Variants in UGT1A10 observed in about 807,000 individuals in gnomAD.
UGT1A10 encodes UDP-glucuronosyltransferase 1A10.
UGT1A10 carries 49 observed loss-of-function variants against 45.8 expected under a neutral mutation model. The ratio of observed to expected loss-of-function variants is 1.07; its 90% CI spans 0.85 to 1.36. The LOEUF is 1.36. Ranked by LOEUF, UGT1A10 falls within the 40% of genes most tolerant of loss-of-function variation. The pLI, the probability that UGT1A10 is intolerant of heterozygous loss-of-function variation, is 0.00. For missense variants in UGT1A10, 745 were observed against 668.6 expected (o/e 1.11, Z -1.26); for synonymous variants, 284 against 249.7 (o/e 1.14, Z -1.29).
At chr2:233,762,422 T>TAG (rs1438123944) in intron 1 of UGT1A10, among the ~76,000 whole-genome samples, 1 of 152,242 alleles carries the variant, frequency 6.6e-6, no homozygotes, top group East Asian at 1.9e-4. Flanking sequence ...TTCTACAAAA[T>TAG]AGAGTAACAG....
chr2:233,718,884 G>T (rs755101119), intron 1 of UGT1A10: 44 of 1,614,026 alleles, frequency 2.7e-5, no homozygotes, highest in Non-Finnish European at 3.6e-5. Flanking sequence ...CCTCCTCAGT[G>T]TCCAGCCCTG....
At chr2:233,637,558 T>C (rs2073331521) in intron 1 of UGT1A10, among the ~76,000 whole-genome samples, 181 bp downstream of exon 1, 1 of 152,244 alleles carries the variant, frequency 6.6e-6, no homozygotes, top group Admixed American at 6.5e-5. Flanking sequence ...AAAACTGCCC[T>C]TCTTGAAAGT....
intron 1 of UGT1A10, among the ~76,000 whole-genome samples, chr2:233,761,819 C>T (rs1222575733): frequency 6.6e-6 from 1 of 152,192 alleles, no homozygotes; most frequent in East Asian, 1.9e-4. Flanking sequence ...AGGAGAGGCT[C>T]CTTCAGATGG....
chr2:233,696,132 A>G (rs1187117199), intron 1 of UGT1A10, among the ~76,000 whole-genome samples: 2 of 152,204 alleles, frequency 1.3e-5, no homozygotes, highest in African/African-American at 4.8e-5. Flanking sequence ...CTGCCCCAAT[A>G]TATCCCATTG....
intron 1 of UGT1A10, among the ~76,000 whole-genome samples, chr2:233,660,315 A>G (rs989134855): frequency 6.6e-6 from 1 of 152,200 alleles, no homozygotes; most frequent in African/African-American, 2.4e-5. Flanking sequence ...AGTGCCTTGT[A>G]ACCCCTTGTT....
intron 1 of UGT1A10, among the ~76,000 whole-genome samples, chr2:233,735,934 C>T (rs2078711337): frequency 6.6e-6 from 1 of 152,038 alleles, no homozygotes; most frequent in South Asian, 2.1e-4. Context: ...TCTGTGGCTG[C>T]CCTTAACATT....
chr2:233,739,222 A>G (rs1312187699), intron 1 of UGT1A10, among the ~76,000 whole-genome samples: 1 of 152,214 alleles, frequency 6.6e-6, no homozygotes, highest in Non-Finnish European at 1.5e-5. Flanking sequence ...TAGAGTCCTT[A>G]TAGAGAACCT....
At position 233,769,512 on chromosome 2, in the gene UGT1A10, C is replaced by T; in HGVS notation, c.1295+1073C>T. ...TTATGAGAGTGTCCATTGCTTTCTCCCATGGTTACCTCCTTTAGAAAGAAG... is the reference window on the plus strand; with the variant it reads ...TTATGAGAGTGTCCATTGCTTTCTCTCATGGTTACCTCCTTTAGAAAGAAG... On this transcript the variant is annotated intron_variant, in intron 4 of 4. Transcript: ENST00000344644. This position sits in a 1 kb window ranked among gnomAD's most constrained non-coding sequence, Gnocchi z 4.4. 1 of 1,612,734 alleles carries T rather than the reference C, an allele frequency of 6.2e-7. No homozygotes were observed. The highest frequency in any genetic ancestry group is 8.5e-7 in the Non-Finnish European group (1 of 1,179,852).
intron 1 of UGT1A10, among the ~76,000 whole-genome samples, chr2:233,709,752 A>G (rs1448990016): frequency 1.3e-5 from 2 of 152,332 alleles, no homozygotes; most frequent in South Asian, 4.1e-4. Context: ...AATAAACATT[A>G]TTGGAGTATT....
chr2:233,665,739 A>G (rs756925611), intron 1 of UGT1A10, among the ~76,000 whole-genome samples: 5 of 152,246 alleles, frequency 3.3e-5, no homozygotes, highest in African/African-American at 1.2e-4. Context: ...ATATAATAAT[A>G]TACAGAAAAT....
chr2:233,767,208 G>A (rs1699334912), intron 2 of UGT1A10, 43 bp downstream of exon 2: 1 of 1,612,972 alleles, frequency 6.2e-7, no homozygotes, highest in Non-Finnish European at 8.5e-7. Context: ...ATTTTCACAG[G>A]AGCGCTAATC....
At chr2:233,661,817 G>A (rs1380161144) in intron 1 of UGT1A10, among the ~76,000 whole-genome samples, 1 of 151,156 alleles carries the variant, frequency 6.6e-6, no homozygotes, top group African/African-American at 2.4e-5. Context: ...TGCTTCATGG[G>A]AGCACTTGAG....
chr2:233,665,967 C>T (rs28969701), intron 1 of UGT1A10, among the ~76,000 whole-genome samples: 7,521 of 152,084 alleles, frequency 0.049, 297 homozygotes, highest in African/African-American at 0.099. Flanking sequence ...GTTTGCATTG[C>T]GATAAAGGAA....
At chr2:233,682,698 G>A (rs144940363) in intron 1 of UGT1A10, 2 of 1,613,794 alleles carry the variant, frequency 1.2e-6, no homozygotes, top group South Asian at 1.1e-5. Flanking sequence ...TGGTTGTTGC[G>A]AACTGACTTT....
At chr2:233,732,882 T>A (rs2078332134) in intron 1 of UGT1A10, among the ~76,000 whole-genome samples, 1 of 152,004 alleles carries the variant, frequency 6.6e-6, no homozygotes, top group African/African-American at 2.4e-5. Context: ...TGGCATTGAA[T>A]CTATAAATTA....
chr2:233,745,271 G>A (rs1376057021), intron 1 of UGT1A10, among the ~76,000 whole-genome samples: 1 of 151,866 alleles, frequency 6.6e-6, no homozygotes, highest in Non-Finnish European at 1.5e-5. Flanking sequence ...TGCAGGCCGT[G>A]TGTATAGCAC....
rs1379910572 is a variant in UGT1A10 at position 233,693,554 on chromosome 2, A to G, written c.855+56177A>G. 5 of 1,614,194 alleles carry G rather than the reference A, an allele frequency of 3.1e-6. No homozygotes were observed. The East Asian group carries it at 1.1e-4, about 36-fold the overall frequency. On this transcript the variant is annotated intron_variant, in intron 1 of 4. Transcript: ENST00000344644. ...GTGTTCCCTGGAGCATACATTCAGCAGAAGCCCAGACCCTGTGTCCTACAT... is the reference window on the plus strand; with the variant it reads ...GTGTTCCCTGGAGCATACATTCAGCGGAAGCCCAGACCCTGTGTCCTACAT...
intron 1 of UGT1A10, among the ~76,000 whole-genome samples, chr2:233,715,831 T>C (rs1175914174): frequency 1.3e-5 from 2 of 152,160 alleles, no homozygotes; most frequent in African/African-American, 4.8e-5. Context: ...AAAACATTTT[T>C]TTAAAACTCC....
In UGT1A10 at chr2:233,768,259, C is replaced by T. The variant is rs72551353; in HGVS notation, c.1115C>T (p.Ser372Phe). ...MTRAFITHAGSHGVYESICNG... is the reference protein window; with the variant it reads ...MTRAFITHAGFHGVYESICNG... ...CGTGCCTTTATCACCCATGCTGGTT[C>T]CCATGGTGTTTATGAAAGCATATGC... Residue 372 changes from serine (S) to phenylalanine (F), a missense_variant, in exon 4 of 5, where the codon TCC becomes TTC. Ser to Phe is a radical substitution (Grantham distance 155). Coordinates refer to ENST00000344644, the MANE Select transcript of UGT1A10 (RefSeq NM_019075.4). The T allele has an allele frequency of 1.8e-5, 29 of 1,614,010 alleles. No homozygotes were observed. The highest frequency in any genetic ancestry group is 2.4e-5 in the Non-Finnish European group (28 of 1,180,040).
Sources: gnomAD v4.1 joint callset for allele counts (sites outside exome capture counted in the v4.1 genomes callset) on GRCh38, gnomAD v4.1.1 for gene constraint, Gnocchi (gnomAD v3.1) non-coding constraint, MANE v1.5 for transcripts, NCBI Gene and HGNC (gene_info 2026-07-23, HGNC 2026-07-21) for gene names.